The following OSBPL2 variants were observed in gnomAD, a reference collection of about 807,000 sequenced individuals.
OSBPL2 encodes oxysterol-binding protein-related protein 2.
OSBPL2 carries 18 observed loss-of-function variants against 58.4 expected under a neutral mutation model. The observed-to-expected ratio is 0.31, with a 90% CI of 0.21 to 0.46. The LOEUF is 0.46. OSBPL2 is among the 20% of genes least tolerant of loss of function. The pLI, the probability that OSBPL2 is intolerant of heterozygous loss-of-function variation, is 1.00. For synonymous variants in OSBPL2, 221 were observed against 234.1 expected (o/e 0.94, Z 0.51); for missense variants, 461 against 616.5 (o/e 0.75, Z 2.67).
chr20:62,283,868 G>A (rs77846159), intron 9 of OSBPL2, among the ~76,000 whole-genome samples, 178 bp from the exon 10 acceptor site: 1 of 152,038 alleles, frequency 6.6e-6, no homozygotes, highest in Non-Finnish European at 1.5e-5. Flanking sequence ...TCCGTGGTGT[G>A]TATCGGGGCT....
chr20:62,276,323 T>A (rs1982387085), intron 6 of OSBPL2, among the ~76,000 whole-genome samples: 1 of 152,260 alleles, frequency 6.6e-6, no homozygotes, highest in Non-Finnish European at 1.5e-5. Context: ...TGCCCATGTT[T>A]GTCCTAGAAG....
chr20:62,279,337 CA>C lies in OSBPL2; in HGVS notation c.674del (p.Lys225AsnfsTer25). 1 of 1,614,104 alleles carries C rather than the reference CA, an allele frequency of 6.2e-7. No homozygotes were observed. Among genetic ancestry groups the C allele is most frequent in the Non-Finnish European group, 8.5e-7 (1 of 1,179,980 alleles). ...GAGGCACCATCACCCTGGAGCTGCT[CA>C]AGTGAGTGTCGGTGCGTCCTGCTGA... ...PRGTITLELL[K>X]HNEAYTWTNP... is the part of the protein sequence containing the mutation. On this transcript the variant is annotated frameshift_variant and splice_region_variant, in exon 7 of 14. Coordinates refer to ENST00000313733, the MANE Select transcript of OSBPL2 (RefSeq NM_144498.4). LOFTEE classifies it high-confidence loss of function.
intron 6 of OSBPL2, among the ~76,000 whole-genome samples, chr20:62,275,336 G>C (rs1427667064): frequency 1.3e-5 from 2 of 151,708 alleles, no homozygotes; most frequent in African/African-American, 2.4e-5. Flanking sequence ...TTCTAAATTA[G>C]AGTGTTTCAT....
intron 1 of OSBPL2, among the ~76,000 whole-genome samples, chr20:62,249,940 G>A (rs1418588763): frequency 2.0e-5 from 3 of 152,212 alleles, no homozygotes; most frequent in Non-Finnish European, 4.4e-5. Flanking sequence ...GGACCTGGCT[G>A]GGGCAGGCGC....
At chr20:62,284,209 GTGCTGAGGGC>G in intron 10 of OSBPL2, 40 bp downstream of exon 10, 2 of 1,613,658 alleles carry the variant, frequency 1.2e-6, no homozygotes, top group Admixed American at 1.7e-5. Context: ...TGAGCCCTGG[GTGCTGAGGGC>G]TGCCAGGCCG....
At chr20:62,291,151 C>T (rs1418290202) in intron 12 of OSBPL2, 3 of 183,454 alleles carry the variant, frequency 1.6e-5, no homozygotes, top group African/African-American at 4.8e-5. Flanking sequence ...CATGAGCCAC[C>T]GCGCCCAGCT....
rs1343587562 is a variant in OSBPL2, at chr20:62,269,005, G to T, written c.259-3120G>T. Among the ~76,000 whole-genome samples the T allele has an allele frequency of 6.7e-6, 1 of 149,954 alleles. No homozygotes were observed. The highest frequency in any genetic ancestry group is 1.5e-5 in the Non-Finnish European group (1 of 67,380). ...CCAGGAGGCGGAGAGGTTGCACTGA[G>T]CCGAGATCACACCATTGCACTGCTG... is the stretch of plus-strand genomic sequence containing the variant. On this transcript the variant is annotated intron_variant, in intron 4 of 13. Coordinates refer to ENST00000313733, the MANE Select transcript of OSBPL2 (RefSeq NM_144498.4). The surrounding 1 kb of genome is among the most constrained non-coding windows in gnomAD (Gnocchi z 4.2).
chr20:62,277,078 G>A (rs887441743), intron 6 of OSBPL2, among the ~76,000 whole-genome samples: 4 of 151,404 alleles, frequency 2.6e-5, no homozygotes, highest in Admixed American at 6.6e-5. Flanking sequence ...GTGAAACCTC[G>A]TTTCTGCTAA....
intron 6 of OSBPL2, among the ~76,000 whole-genome samples, chr20:62,274,244 C>T (rs536634214): frequency 3.3e-5 from 5 of 152,168 alleles, no homozygotes; most frequent in Non-Finnish European, 7.3e-5. Context: ...GGTGACAGTG[C>T]CCACCCACAC....
chr20:62,281,796 A>G lies in OSBPL2; in HGVS notation c.789A>G (p.Gly263=), dbSNP rs1982804340. 1 of 1,607,602 alleles carries G rather than the reference A, an allele frequency of 6.2e-7. No homozygotes were observed. The highest frequency in any genetic ancestry group is 1.3e-5 in the African/African-American group (1 of 74,838). Residue 263 remains glycine (G), a synonymous_variant, in exon 9 of 14, where the codon GGA becomes GGG. Coordinates refer to ENST00000313733, the MANE Select transcript of OSBPL2 (RefSeq NM_144498.4). ...GTVEILNHRT[G]HKCVLHFKPC... is the part of the protein sequence containing the mutation. ...GTGTTTGTTTTTCTCACAGAACTGG[A>G]CATAAGTGTGTGCTTCACTTTAAAC...
intron 4 of OSBPL2, chr20:62,271,854 G>T (rs1325829654): frequency 1.2e-5 from 5 of 408,896 alleles, no homozygotes; most frequent in East Asian, 4.6e-5. Flanking sequence ...CTGGAATGGG[G>T]CGGTGGGCTG....
chr20:62,281,046 G>T lies in OSBPL2; in HGVS notation c.675-12G>T, dbSNP rs1468007498. 6 of 1,593,898 alleles carry T rather than the reference G, an allele frequency of 3.8e-6. No individual in the cohort carries two copies. Among genetic ancestry groups the T allele is most frequent in the South Asian group, 1.1e-5 (1 of 90,710 alleles). On this transcript the variant is annotated splice_polypyrimidine_tract_variant and intron_variant, in intron 7 of 13. Transcript: ENST00000313733. ...CTGGACTCTCACTGCTTGTTTTCTG[G>T]TGTCTTCACAGACATAATGAAGCCT...
intron 1 of OSBPL2, among the ~76,000 whole-genome samples, chr20:62,249,077 C>A (rs1980349299): frequency 6.6e-6 from 1 of 152,152 alleles, no homozygotes; most frequent in African/African-American, 2.4e-5. Flanking sequence ...ATTTTGAGAT[C>A]CTGGTGGGAC....
intron 1 of OSBPL2, among the ~76,000 whole-genome samples, chr20:62,255,465 T>TA (rs1275289263): frequency 6.6e-6 from 1 of 152,064 alleles, no homozygotes; most frequent in Non-Finnish European, 1.5e-5. Context: ...TAACTGTAGA[T>TA]AATGCTTTTA....
At chr20:62,265,624 T>C (rs1883284450) in intron 4 of OSBPL2, among the ~76,000 whole-genome samples, 1 of 152,254 alleles carries the variant, frequency 6.6e-6, no homozygotes, top group African/African-American at 2.4e-5. Flanking sequence ...ACGAGTGTGC[T>C]AATGCTCATG....
At chr20:62,265,037 A>G (rs1568837236) in intron 4 of OSBPL2, among the ~76,000 whole-genome samples, 1 of 152,180 alleles carries the variant, frequency 6.6e-6, no homozygotes, top group African/African-American at 2.4e-5. Flanking sequence ...AAGTGTCTCC[A>G]CTGCAAAGTT....
rs904809761 is a variant in OSBPL2 at position 62,260,105 on chromosome 20, G to A, written c.162G>A (p.Glu54=). The A allele has an allele frequency of 6.2e-7, 1 of 1,613,976 alleles. No homozygotes were observed. Among genetic ancestry groups the A allele is most frequent in the Non-Finnish European group, 8.5e-7 (1 of 1,179,942 alleles). The part of the protein sequence containing the change: ...IGKTGERPSQ[E]NGIQKHRTSL... Reference sequence around the variant, plus strand: ...AAACTGGGGAGAGGCCCTCTCAAGAGAACGGAATTCAGAAACACAGGTATG... The same window carrying A: ...AAACTGGGGAGAGGCCCTCTCAAGAAAACGGAATTCAGAAACACAGGTATG... The change falls in exon 3 of 14, where the codon GAG becomes GAA. Residue 54 remains glutamate (E), a synonymous_variant. Transcript: ENST00000313733.
Position 62,272,265 on chromosome 20 carries a change from C to G in OSBPL2, c.393+6C>G, listed in dbSNP as rs1293507513. ...AGCCCCTGGAGAGGATGCAGGTGGGCCTTAGGGGTGCCAGGCAGGAGTTTG... is the reference window on the plus strand; with the variant it reads ...AGCCCCTGGAGAGGATGCAGGTGGGGCTTAGGGGTGCCAGGCAGGAGTTTG... On this transcript the variant is annotated splice_donor_region_variant and intron_variant, in intron 5 of 13. Transcript: ENST00000313733. The G allele has an allele frequency of 6.2e-7, 1 of 1,612,302 alleles. No homozygotes were observed. The highest frequency in any genetic ancestry group is 1.3e-5 in the African/African-American group (1 of 74,886).
intron 1 of OSBPL2, among the ~76,000 whole-genome samples, chr20:62,249,536 G>T (rs1433007382): frequency 6.6e-6 from 1 of 152,070 alleles, no homozygotes; most frequent in Admixed American, 6.5e-5. Context: ...CAATTATGAA[G>T]CCTAACTTTT....
Sources: allele counts gnomAD v4.1 joint callset (sites outside exome capture counted in the v4.1 genomes callset), GRCh38; gene constraint gnomAD v4.1.1; non-coding constraint Gnocchi (gnomAD v3.1); transcripts MANE v1.5; gene names NCBI Gene and HGNC (gene_info 2026-07-23, HGNC 2026-07-21).